BRINP1: variants seen among roughly 807,000 people sequenced by gnomAD.
BRINP1 encodes the protein BMP/retinoic acid-inducible neural-specific protein 1.
Under a neutral mutation model 72.9 loss-of-function variants are expected in BRINP1, and 17 were observed. The observed-to-expected ratio is 0.23, with a 90% CI of 0.16 to 0.35. BRINP1 has a LOEUF of 0.35. Ranked by LOEUF, BRINP1 falls within the 10% of genes least tolerant of loss-of-function variation. The pLI is 1.00. For synonymous variants in BRINP1, 418 were observed against 378.5 expected, an observed-to-expected ratio of 1.10 and a Z score of -1.21; for missense variants, 850 against 1,001.6, an observed-to-expected ratio of 0.85 and a Z score of 2.04.
chr9:119,319,715 A>G (rs893526986), intron 1 of BRINP1, among the ~76,000 whole-genome samples: 2 of 152,270 alleles, frequency 1.3e-5, no homozygotes, highest in Non-Finnish European at 2.9e-5. Flanking sequence ...AAATGGGCAC[A>G]GTTACCCAAT....
At chr9:119,268,434 A>G (rs1175237489) in intron 2 of BRINP1, among the ~76,000 whole-genome samples, 3 of 152,058 alleles carry the variant, frequency 2.0e-5, no homozygotes, top group Non-Finnish European at 4.4e-5. Flanking sequence ...TCAGCCCTCA[A>G]AGAGGCAGGG....
chr9:119,167,373 G>A lies in BRINP1; in HGVS notation c.1997C>T (p.Ala666Val). The A allele has an allele frequency of 6.2e-7, 1 of 1,614,102 alleles. No homozygotes were observed. The highest frequency in any genetic ancestry group is 2.2e-5 in the East Asian group (1 of 44,860). ...CTGCACTGCACTGCGCAGGAGGTCGGCGTTGAACCTCAGGCTATACCCAAA... is the reference window on the plus strand; with the variant it reads ...CTGCACTGCACTGCGCAGGAGGTCGACGTTGAACCTCAGGCTATACCCAAA... ...QVFGYSLRFN[A>V]DLLRSAVQQV... The change falls in exon 8 of 8, where the codon GCC (alanine) becomes GTC (valine). Residue 666 changes from alanine to valine, a missense_variant. Ala to Val is a moderately conservative substitution (Grantham distance 64). Transcript: ENST00000265922. This position sits in a 1 kb window ranked among gnomAD's most constrained non-coding sequence, Gnocchi z 4.3.
chr9:119,180,484 TG>T, intron 7 of BRINP1, among the ~76,000 whole-genome samples: 1 of 30,172 alleles, frequency 3.3e-5, no homozygotes, highest in East Asian at 6.3e-4. Context: ...TGTGCATGTG[TG>T]TGTGTGTGTG....
chr9:119,252,689 T>C (rs903296687), intron 2 of BRINP1, among the ~76,000 whole-genome samples: 5 of 152,080 alleles, frequency 3.3e-5, no homozygotes, highest in African/African-American at 4.8e-5. Flanking sequence ...TTAAAGGTCA[T>C]GTAGCTAATG....
chr9:119,265,301 A>G (rs1830536263), intron 2 of BRINP1, among the ~76,000 whole-genome samples: 1 of 152,072 alleles, frequency 6.6e-6, no homozygotes, highest in Non-Finnish European at 1.5e-5. Flanking sequence ...CAGGGTTTGC[A>G]TATAATCAGT....
At chr9:119,304,368 C>T (rs932828735) in intron 2 of BRINP1, among the ~76,000 whole-genome samples, 1 of 152,204 alleles carries the variant, frequency 6.6e-6, no homozygotes, top group East Asian at 1.9e-4. Context: ...TAACCTATAG[C>T]GACCATTGTA....
intron 1 of BRINP1, among the ~76,000 whole-genome samples, chr9:119,338,382 G>C (rs1831370875): frequency 6.8e-6 from 1 of 147,008 alleles, no homozygotes; most frequent in Admixed American, 7.0e-5. Flanking sequence ...TATATCTCTT[G>C]TCTACTCTTA....
intron 5 of BRINP1, among the ~76,000 whole-genome samples, chr9:119,219,423 T>A (rs1392098028): frequency 6.6e-6 from 1 of 152,136 alleles, no homozygotes; most frequent in African/African-American, 2.4e-5. Context: ...TCCATCATTT[T>A]TCTTCTATTA....
At chr9:119,175,257 TAACA>T (rs1489260565) in intron 7 of BRINP1, among the ~76,000 whole-genome samples, 4 of 150,168 alleles carry the variant, frequency 2.7e-5, no homozygotes, top group African/African-American at 7.4e-5. Flanking sequence ...CTCAGCAAAC[TAACA>T]AACATAAGAA....
intron 7 of BRINP1, among the ~76,000 whole-genome samples, chr9:119,176,617 G>A (rs894914929): frequency 1.3e-5 from 2 of 152,284 alleles, no homozygotes; most frequent in East Asian, 3.9e-4. Context: ...ATCTTAGGCA[G>A]CTGGTGAGAG....
At chr9:119,232,826 G>C (rs1164158583) in intron 5 of BRINP1, among the ~76,000 whole-genome samples, 1 of 151,856 alleles carries the variant, frequency 6.6e-6, no homozygotes, top group East Asian at 1.9e-4. Flanking sequence ...ATGGATACTA[G>C]ATTAAATTAC....
At chr9:119,311,513 C>G (rs143043252) in intron 2 of BRINP1, among the ~76,000 whole-genome samples, 1 of 152,290 alleles carries the variant, frequency 6.6e-6, no homozygotes, top group Non-Finnish European at 1.5e-5. Flanking sequence ...TTGCTACACT[C>G]CCCACAATGG....
intron 5 of BRINP1, among the ~76,000 whole-genome samples, chr9:119,234,070 C>G (rs947993016): frequency 6.6e-6 from 1 of 151,980 alleles, no homozygotes; most frequent in Non-Finnish European, 1.5e-5. Context: ...GGGTTGTTTC[C>G]AGTTGGAGTT....
At chr9:119,272,596 C>T (rs1830618703) in intron 2 of BRINP1, among the ~76,000 whole-genome samples, 1 of 152,116 alleles carries the variant, frequency 6.6e-6, no homozygotes, top group African/African-American at 2.4e-5. Context: ...AAGCCAGCCA[C>T]CTAGGTACAG....
At chr9:119,324,027 G>A (rs567282852) in intron 1 of BRINP1, among the ~76,000 whole-genome samples, 84 of 152,310 alleles carry the variant, frequency 5.5e-4, no homozygotes, top group African/African-American at 2.0e-3. Context: ...TGATCCAAGA[G>A]TTAAGTCTAA....
At chr9:119,232,144 T>C (rs186886937) in intron 5 of BRINP1, among the ~76,000 whole-genome samples, 143 of 152,298 alleles carry the variant, frequency 9.4e-4, no homozygotes, top group Middle Eastern at 3.4e-3. Flanking sequence ...CAGGCAAAAC[T>C]TTGGGGTCAT....
intron 2 of BRINP1, among the ~76,000 whole-genome samples, chr9:119,265,418 G>A (rs916203697): frequency 6.6e-6 from 1 of 151,816 alleles, no homozygotes; most frequent in Admixed American, 6.6e-5. Context: ...TGGTCAACAT[G>A]GCAAAACTCT....
At chr9:119,253,063 T>C (rs760299247) in intron 2 of BRINP1, among the ~76,000 whole-genome samples, 2 of 152,150 alleles carry the variant, frequency 1.3e-5, no homozygotes, top group Non-Finnish European at 2.9e-5. Context: ...GAGAACTCAG[T>C]AACTGGGGAT....
chr9:119,332,036 A>G (rs1831304577), intron 1 of BRINP1, among the ~76,000 whole-genome samples: 1 of 152,128 alleles, frequency 6.6e-6, no homozygotes, highest in South Asian at 2.1e-4. Context: ...ATGCCTTCCT[A>G]TTGTTGCAGG....
Sources: allele counts gnomAD v4.1 joint callset (sites outside exome capture counted in the v4.1 genomes callset), GRCh38; gene constraint gnomAD v4.1.1; non-coding constraint Gnocchi (gnomAD v3.1); transcripts MANE v1.5; gene names NCBI Gene and HGNC (gene_info 2026-07-23, HGNC 2026-07-21).